The following HDGFL3 variants were observed in gnomAD, a reference collection of about 807,000 sequenced individuals.
HDGFL3 encodes the protein HDGF like 3, also known as hepatoma-derived growth factor-related protein 3.
In HDGFL3, 6 loss-of-function variants were observed where a neutral mutation model predicts 27.6. The observed-to-expected ratio is 0.22, with a 90% CI of 0.12 to 0.43. The LOEUF (loss-of-function observed/expected upper bound fraction) is 0.43. HDGFL3 is among the 20% of genes least tolerant of loss of function. The pLI is 1.00. For synonymous variants in HDGFL3, 88 were observed against 88.9 expected (o/e 0.99, Z 0.05); for missense variants, 207 against 250.1 (o/e 0.83, Z 1.16).
intron 1 of HDGFL3, among the ~76,000 whole-genome samples, chr15:83,205,153 C>T (rs1348016813): frequency 6.6e-6 from 1 of 151,772 alleles, no homozygotes; most frequent in African/African-American, 2.4e-5. Flanking sequence ...ATAACATTAT[C>T]ATCTACACAG....
intron 4 of HDGFL3, among the ~76,000 whole-genome samples, chr15:83,156,103 T>C (rs1596550757): frequency 6.6e-6 from 1 of 152,170 alleles, no homozygotes; most frequent in Non-Finnish European, 1.5e-5. Flanking sequence ...TGCCAGCCTT[T>C]CCCCCTTGGT....
rs2036706064 is a variant in HDGFL3 at position 83,138,704 on chromosome 15, CA to C, written c.*565del. On this transcript the variant is annotated 3_prime_UTR_variant, in exon 6 of 6. Transcript: ENST00000299633. ...ATGAATTTTGAGAAGTATAAGCTGTCAACTAGCTATTTCTAATACGGAATAG... is the reference window on the plus strand; with the variant it reads ...ATGAATTTTGAGAAGTATAAGCTGTCACTAGCTATTTCTAATACGGAATAG... The C allele has an allele frequency of 6.6e-6, 1 of 152,364 alleles. No homozygotes were observed. The highest frequency in any genetic ancestry group is 1.5e-5 in the Non-Finnish European group (1 of 67,974). 9.4% of individuals were successfully genotyped at this position (152,364 alleles called of 1,614,324 possible).
rs2036695942 is a variant in HDGFL3 at position 83,138,306 on chromosome 15, A to G, written c.*964T>C. The G allele has an allele frequency of 2.6e-5, 4 of 152,600 alleles. No homozygotes were observed. In the South Asian group the frequency reaches 8.3e-4, roughly 32 times the overall value. 9.5% of individuals were successfully genotyped at this position (152,600 alleles called of 1,614,324 possible). ...CCAAGGACAAGCATTAACAGGATTG[A>G]TAAAACCCAAACTGACTAAATGTGT... On this transcript the variant is annotated 3_prime_UTR_variant, in exon 6 of 6. Coordinates refer to ENST00000299633, the MANE Select transcript of HDGFL3 (RefSeq NM_016073.4).
chr15:83,152,833 G>A (rs1284695559), intron 4 of HDGFL3, among the ~76,000 whole-genome samples: 6 of 151,982 alleles, frequency 3.9e-5, no homozygotes, highest in South Asian at 2.1e-4. Flanking sequence ...TACATGAAGG[G>A]AAACAGGGAT....
At position 83,136,457 on chromosome 15, in the gene HDGFL3, A is replaced by AT. The variant is rs752989537; in HGVS notation, c.*2812dup. ...ACTGAACACGTTTCATGCTTACTCA[A>AT]TTTTTTTTTTTTAAATGCAACAGGC... On this transcript the variant is annotated 3_prime_UTR_variant, in exon 6 of 6. Coordinates refer to ENST00000299633, the MANE Select transcript of HDGFL3 (RefSeq NM_016073.4). 0.015 allele frequency: 16,604 copies of AT among 1,088,796 alleles called. No individual in the cohort carries two copies. Among genetic ancestry groups the AT allele is most frequent in the South Asian group, 0.026 (1,464 of 56,470 alleles). 67.4% of individuals were successfully genotyped at this position (1,088,796 alleles called of 1,614,324 possible).
intron 1 of HDGFL3, among the ~76,000 whole-genome samples, chr15:83,199,440 T>C (rs1479271257): frequency 6.6e-6 from 1 of 152,214 alleles, no homozygotes; most frequent in Non-Finnish European, 1.5e-5. Context: ...TAACCACTAC[T>C]GAAACTATCA....
In HDGFL3 at chr15:83,154,434, G is replaced by T. The variant is rs1279318666; in HGVS notation, c.459+2981C>A. On this transcript the variant is annotated intron_variant, in intron 4 of 5. Coordinates refer to ENST00000299633, the MANE Select transcript of HDGFL3 (RefSeq NM_016073.4). Reference sequence around the variant, plus strand: ...AACAATGAAGTTATGCTAGGCAAGCGGTTCTCTAAATGTGGTTCCCAGATC... The same window carrying T: ...AACAATGAAGTTATGCTAGGCAAGCTGTTCTCTAAATGTGGTTCCCAGATC... Among the ~76,000 whole-genome samples, 3 of 152,164 alleles carry T rather than the reference G, an allele frequency of 2.0e-5. No individual in the cohort carries two copies. In the South Asian group the frequency reaches 6.2e-4, roughly 32 times the overall value.
chr15:83,150,001 T>C (rs896539216), intron 5 of HDGFL3, among the ~76,000 whole-genome samples: 4 of 152,090 alleles, frequency 2.6e-5, no homozygotes, highest in African/African-American at 9.7e-5. Flanking sequence ...TTACTTGGGG[T>C]TGAGTTAAAA....
In HDGFL3 at chr15:83,136,148, T is replaced by G. The variant is rs1281890016; in HGVS notation, c.*3122A>C. 1 of 192,184 alleles carries G rather than the reference T, an allele frequency of 5.2e-6. No homozygotes were observed. Among genetic ancestry groups the G allele is most frequent in the Non-Finnish European group, 1.0e-5 (1 of 95,280 alleles). 11.9% of individuals were successfully genotyped at this position (192,184 alleles called of 1,614,324 possible). ...CGCAAATCAGAAAAAAATTTGAGAT[T>G]TTATTCAGATTTTTCTATTAGATTG... On this transcript the variant is annotated 3_prime_UTR_variant, in exon 6 of 6. Transcript: ENST00000299633.
chr15:83,114,485 C>T (rs1596474949), exon 4 of HDGFL3: 1 of 152,358 alleles, frequency 6.6e-6, no homozygotes, highest in East Asian at 1.9e-4. Flanking sequence ...AAATGAGTAT[C>T]AGGAAGTGAC....
At chr15:83,120,807 C>T (rs1471850985) in intron 3 of HDGFL3, among the ~76,000 whole-genome samples, 1 of 152,004 alleles carries the variant, frequency 6.6e-6, no homozygotes, top group South Asian at 2.1e-4. Context: ...CTCTGGTGAT[C>T]TGCCCGCCTC....
rs554973541 is a variant in HDGFL3 at position 83,165,079 on chromosome 15, C to G, written c.85-1004G>C. Among the ~76,000 whole-genome samples the G allele has an allele frequency of 2.6e-5, 4 of 152,320 alleles. No individual in the cohort carries two copies. The South Asian group carries it at 6.2e-4, about 24-fold the overall frequency. On this transcript the variant is annotated intron_variant, in intron 1 of 5. Coordinates refer to ENST00000299633, the MANE Select transcript of HDGFL3 (RefSeq NM_016073.4). ...TCTGAGACGGCATCAGGCAAGTTCC[C>G]AGAAATGCTTACATAGAAATGCTTT...
intron 3 of HDGFL3, among the ~76,000 whole-genome samples, chr15:83,117,461 A>G (rs2034777750): frequency 6.6e-6 from 1 of 152,170 alleles, no homozygotes; most frequent in Non-Finnish European, 1.5e-5. Context: ...TTGGGACTTT[A>G]GAGACCATGG....
intron 1 of HDGFL3, among the ~76,000 whole-genome samples, chr15:83,202,516 T>C (rs765812739): frequency 6.6e-6 from 1 of 151,914 alleles, no homozygotes; most frequent in Non-Finnish European, 1.5e-5. Flanking sequence ...CAAAAGGGAA[T>C]AGGAAGATGC....
chr15:83,115,586 G>A (rs765302609), exon 4 of HDGFL3: 44 of 615,258 alleles, frequency 7.2e-5, no homozygotes, highest in Middle Eastern at 2.7e-4. Context: ...TGACTGAGCC[G>A]GCAGTGACCA....
downstream of HDGFL3, chr15:83,124,632 G>A: frequency 6.7e-7 from 1 of 1,493,836 alleles, no homozygotes; most frequent in Non-Finnish European, 9.2e-7. Flanking sequence ...TTCTTCTTTG[G>A]CACTTTGGGC....
chr15:83,202,899 A>G (rs1016625282), intron 1 of HDGFL3, among the ~76,000 whole-genome samples: 4 of 152,106 alleles, frequency 2.6e-5, no homozygotes, highest in Non-Finnish European at 5.9e-5. Flanking sequence ...TTGTTTACTC[A>G]TTCTCCTGCT....
chr15:83,139,958 A>AT (rs539838783), intron 5 of HDGFL3, among the ~76,000 whole-genome samples: 19 of 152,164 alleles, frequency 1.2e-4, no homozygotes, highest in East Asian at 5.8e-4. Context: ...AAAGGATGCT[A>AT]TTTTTTCCCC....
intron 5 of HDGFL3, 132 bp downstream of exon 5, chr15:83,151,083 G>GATGCATATA: frequency 1.3e-6 from 1 of 760,878 alleles, no homozygotes; most frequent in Admixed American, 2.7e-5. Context: ...GGGCTGAGTG[G>GATGCATATA]ATGCATATAA....
Sources: allele counts gnomAD v4.1 joint callset (sites outside exome capture counted in the v4.1 genomes callset), GRCh38; gene constraint gnomAD v4.1.1; transcripts MANE v1.5; gene names NCBI Gene and HGNC (gene_info 2026-07-23, HGNC 2026-07-21).